Variants in EPHA6 observed in about 807,000 individuals in gnomAD.
EPHA6 encodes the protein EPH receptor A6.
A neutral mutation model predicts 112.0 loss-of-function variants in EPHA6; 50 were observed. The observed-to-expected ratio is 0.45, with a 90% CI of 0.36 to 0.56. The LOEUF (loss-of-function observed/expected upper bound fraction) is 0.56, where lower values mean the gene tolerates loss of function less well. Ranked by LOEUF, EPHA6 falls within the 20% of genes least tolerant of loss-of-function variation. The pLI is 0.00. For synonymous variants in EPHA6, 529 were observed against 490.7 expected (o/e 1.08, Z -1.03); for missense variants, 1,280 against 1,417.4 (o/e 0.90, Z 1.56).
chr3:97,569,272 A>G (rs1019506811), intron 11 of EPHA6, among the ~76,000 whole-genome samples: 32 of 152,366 alleles, frequency 2.1e-4, no homozygotes, highest in African/African-American at 7.0e-4. Flanking sequence ...CATATAGCAC[A>G]TAAGTGTTCA....
At chr3:97,742,254 G>T (rs1328564940) in intron 16 of EPHA6, among the ~76,000 whole-genome samples, 1 of 152,090 alleles carries the variant, frequency 6.6e-6, no homozygotes, top group African/African-American at 2.4e-5. Flanking sequence ...CACTGCCAAT[G>T]AATTGCAGTT....
chr3:97,485,256 A>G (rs1263872037), intron 10 of EPHA6, among the ~76,000 whole-genome samples: 1 of 152,218 alleles, frequency 6.6e-6, no homozygotes, highest in African/African-American at 2.4e-5. Flanking sequence ...AGGACAAGCT[A>G]CATAATTTGC....
At chr3:97,132,303 A>G (rs2075649712) in intron 3 of EPHA6, among the ~76,000 whole-genome samples, 1 of 152,132 alleles carries the variant, frequency 6.6e-6, no homozygotes, top group South Asian at 2.1e-4. Flanking sequence ...TTTCCAAGAG[A>G]GGCGCTCAGG....
intron 11 of EPHA6, among the ~76,000 whole-genome samples, chr3:97,568,083 C>T (rs770859857): frequency 1.3e-5 from 2 of 152,126 alleles, no homozygotes; most frequent in African/African-American, 2.4e-5. Flanking sequence ...GGTTAGTTTA[C>T]GTATCAAAGA....
intron 7 of EPHA6, among the ~76,000 whole-genome samples, chr3:97,461,012 G>A (rs1465943197): frequency 6.6e-6 from 1 of 152,122 alleles, no homozygotes; most frequent in Admixed American, 6.5e-5. Flanking sequence ...GCCTCCTAAT[G>A]TGAGAAAAGT....
chr3:97,170,027 C>A (rs4857243), intron 3 of EPHA6, among the ~76,000 whole-genome samples: 11,932 of 151,778 alleles, frequency 0.079, 771 homozygotes, highest in Admixed American at 0.22. Flanking sequence ...GGGCTTACAA[C>A]CTAGATGACG....
chr3:97,158,641 A>G (rs1576590200), intron 3 of EPHA6, among the ~76,000 whole-genome samples: 1 of 152,296 alleles, frequency 6.6e-6, no homozygotes, highest in African/African-American at 2.4e-5. Context: ...GGGGGTAGGG[A>G]AAAATAGTCA....
chr3:97,525,650 T>C (rs1347508197), intron 10 of EPHA6, among the ~76,000 whole-genome samples: 1 of 152,188 alleles, frequency 6.6e-6, no homozygotes, highest in Non-Finnish European at 1.5e-5. Context: ...AACTAAAATT[T>C]TCTCCTAATA....
intron 4 of EPHA6, among the ~76,000 whole-genome samples, chr3:97,230,493 C>CA (rs1452084169): frequency 5.3e-5 from 8 of 151,920 alleles, no homozygotes; most frequent in African/African-American, 1.9e-4. Flanking sequence ...CTTGTTTATT[C>CA]AAAGTAGAAG....
intron 11 of EPHA6, among the ~76,000 whole-genome samples, chr3:97,579,727 A>G (rs2093420277): frequency 6.6e-6 from 1 of 152,224 alleles, no homozygotes; most frequent in Non-Finnish European, 1.5e-5. Flanking sequence ...TTGTAAGTCA[A>G]ATATAAACAA....
intron 4 of EPHA6, among the ~76,000 whole-genome samples, chr3:97,236,049 G>A (rs2078669900): frequency 6.6e-6 from 1 of 151,254 alleles, no homozygotes; most frequent in African/African-American, 2.4e-5. Context: ...TTTTTCTCAG[G>A]TGACTCATTA....
chr3:97,666,275 G>A (rs1285268861), intron 14 of EPHA6, among the ~76,000 whole-genome samples: 1 of 152,186 alleles, frequency 6.6e-6, no homozygotes, highest in Non-Finnish European at 1.5e-5. Context: ...ACTTTGAGGA[G>A]AGAGATTGTG....
chr3:97,226,932 C>T (rs2078374032), intron 4 of EPHA6, among the ~76,000 whole-genome samples: 1 of 152,108 alleles, frequency 6.6e-6, no homozygotes, highest in African/African-American at 2.4e-5. Flanking sequence ...CCACATTTCA[C>T]CTCTTACTTT....
chr3:97,063,318 T>C (rs2046081440), intron 3 of EPHA6, among the ~76,000 whole-genome samples: 2 of 152,232 alleles, frequency 1.3e-5, no homozygotes, highest in African/African-American at 4.8e-5. Flanking sequence ...CCATCAATGA[T>C]AGACTGGATA....
intron 3 of EPHA6, among the ~76,000 whole-genome samples, chr3:97,044,013 C>T (rs2045413625): frequency 6.6e-6 from 1 of 152,200 alleles, no homozygotes; most frequent in African/African-American, 2.4e-5. Flanking sequence ...TCATCTCTCT[C>T]TATTTCTCCA....
chr3:97,144,274 C>A (rs1368372698), intron 3 of EPHA6, among the ~76,000 whole-genome samples: 1 of 151,402 alleles, frequency 6.6e-6, no homozygotes, highest in Admixed American at 6.6e-5. Context: ...GTATCTTTTC[C>A]TTTTGGAATT....
chr3:97,493,621 C>T (rs192558618), intron 10 of EPHA6, among the ~76,000 whole-genome samples: 5 of 134,082 alleles, frequency 3.7e-5, no homozygotes, highest in Non-Finnish European at 7.4e-5. Flanking sequence ...CAATTTAGTC[C>T]TCTGTGTGTG....
At chr3:97,150,835 A>AT (rs1456384329) in intron 3 of EPHA6, among the ~76,000 whole-genome samples, 3 of 152,056 alleles carry the variant, frequency 2.0e-5, no homozygotes, top group Admixed American at 2.0e-4. Context: ...TCTTCATAAT[A>AT]TGCCACTGTC....
chr3:97,199,895 T>C (rs1282296063), intron 3 of EPHA6, among the ~76,000 whole-genome samples: 1 of 152,116 alleles, frequency 6.6e-6, no homozygotes, highest in African/African-American at 2.4e-5. Flanking sequence ...TGAGTTAACT[T>C]TAATAGAGTT....
Sources: gnomAD v4.1 joint callset for allele counts (sites outside exome capture counted in the v4.1 genomes callset) on GRCh38, gnomAD v4.1.1 for gene constraint, MANE v1.5 for transcripts, NCBI Gene and HGNC (gene_info 2026-07-23, HGNC 2026-07-21) for gene names.